ATP9B: variants seen among roughly 807,000 people sequenced by gnomAD.
ATP9B encodes ATPase phospholipid transporting 9B, also known as probable phospholipid-transporting ATPase IIB.
A neutral mutation model predicts 146.1 loss-of-function variants in ATP9B; 110 were observed. The observed-to-expected ratio is 0.75, with a 90% CI of 0.65 to 0.88. The LOEUF (loss-of-function observed/expected upper bound fraction) is 0.88, where lower values mean the gene tolerates loss of function less well. Ranked by LOEUF, ATP9B falls within the 40% of genes least tolerant of loss-of-function variation. The pLI is 0.00. For synonymous variants in ATP9B, 604 were observed against 569.7 expected (o/e 1.06, Z -0.86); for missense variants, 1,499 against 1,496.4 (o/e 1.00, Z -0.03).
intron 20 of ATP9B, among the ~76,000 whole-genome samples, chr18:79,342,610 AAT>A (rs2096865565): frequency 5.9e-5 from 9 of 151,998 alleles, no homozygotes; most frequent in East Asian, 3.9e-4. Context: ...ATAAATAATT[AAT>A]TAATTAAAAA....
chr18:79,301,265 G>A (rs1171462054), intron 13 of ATP9B, among the ~76,000 whole-genome samples: 2 of 152,342 alleles, frequency 1.3e-5, no homozygotes, highest in East Asian at 1.9e-4. Context: ...GCCAGGGCGG[G>A]CAGATCACCT....
intron 12 of ATP9B, among the ~76,000 whole-genome samples, chr18:79,274,364 ACAAT>A (rs1348469072): frequency 1.3e-5 from 2 of 152,224 alleles, no homozygotes; most frequent in Admixed American, 6.5e-5. Context: ...TGCTGTATTA[ACAAT>A]CAAAGTACAT....
intron 1 of ATP9B, among the ~76,000 whole-genome samples, chr18:79,086,828 A>C (rs2073883016): frequency 6.6e-6 from 1 of 152,238 alleles, no homozygotes; most frequent in Non-Finnish European, 1.5e-5. Flanking sequence ...ATCTCAGCTC[A>C]AGGGACTATT....
intron 8 of ATP9B, among the ~76,000 whole-genome samples, chr18:79,190,473 C>T (rs938554112): frequency 2.1e-4 from 31 of 150,360 alleles, no homozygotes; most frequent in African/African-American, 7.1e-4. Context: ...TGTAGTATAT[C>T]TACACATATC....
chr18:79,364,332 A>T (rs564730652), intron 26 of ATP9B: 1 of 152,346 alleles, frequency 6.6e-6, no homozygotes, highest in South Asian at 2.1e-4. Flanking sequence ...ACCTGATTCC[A>T]AGACTTACTG....
intron 9 of ATP9B, among the ~76,000 whole-genome samples, chr18:79,205,232 G>T (rs973146662): frequency 7.7e-6 from 1 of 129,514 alleles, no homozygotes; most frequent in Non-Finnish European, 1.7e-5. Context: ...CATATTAGGG[G>T]AAATATTTTG....
chr18:79,091,595 A>G (rs749862165), intron 1 of ATP9B, among the ~76,000 whole-genome samples: 1 of 152,204 alleles, frequency 6.6e-6, no homozygotes, highest in African/African-American at 2.4e-5. Context: ...TACTGTTGGC[A>G]TATAGAAATG....
intron 1 of ATP9B, among the ~76,000 whole-genome samples, chr18:79,072,659 G>A (rs572633401): frequency 6.6e-6 from 1 of 151,602 alleles, no homozygotes; most frequent in Non-Finnish European, 1.5e-5. Context: ...TCAGTGAGCT[G>A]TTGGGTACCC....
intron 11 of ATP9B, among the ~76,000 whole-genome samples, chr18:79,251,901 A>G (rs1004582054): frequency 2.0e-5 from 3 of 152,230 alleles, no homozygotes; most frequent in African/African-American, 4.8e-5. Flanking sequence ...TTGAGATGGC[A>G]GATAGATAAC....
chr18:79,309,868 T>C (rs2096643051), intron 15 of ATP9B, among the ~76,000 whole-genome samples: 1 of 152,206 alleles, frequency 6.6e-6, no homozygotes, highest in Non-Finnish European at 1.5e-5. Flanking sequence ...GAGTGTAGGT[T>C]CCATGACTAT....
At chr18:79,199,630 G>A (rs912804503) in intron 9 of ATP9B, among the ~76,000 whole-genome samples, 1 of 152,080 alleles carries the variant, frequency 6.6e-6, no homozygotes, top group Non-Finnish European at 1.5e-5. Flanking sequence ...GGGCGTGGTG[G>A]CACATGCCTG....
At chr18:79,185,767 C>T (rs922450364) in intron 8 of ATP9B, among the ~76,000 whole-genome samples, 2 of 152,132 alleles carry the variant, frequency 1.3e-5, no homozygotes, top group African/African-American at 2.4e-5. Flanking sequence ...TCGTGTCTCT[C>T]GTGGTGTAGA....
intron 11 of ATP9B, among the ~76,000 whole-genome samples, chr18:79,233,366 A>G (rs754547490): frequency 1.2e-4 from 19 of 152,340 alleles, no homozygotes; most frequent in Admixed American, 1.3e-4. Flanking sequence ...ATTTGAAGTA[A>G]TAAGTCTGAG....
chr18:79,074,206 G>A (rs1489999428), intron 1 of ATP9B, among the ~76,000 whole-genome samples: 1 of 152,118 alleles, frequency 6.6e-6, no homozygotes, highest in Non-Finnish European at 1.5e-5. Flanking sequence ...AGAGGGAAAG[G>A]TGGATTTTCC....
At chr18:79,166,226 G>C (rs72994277) in intron 7 of ATP9B, among the ~76,000 whole-genome samples, 9,294 of 152,250 alleles carry the variant, frequency 0.061, 365 homozygotes, top group Non-Finnish European at 0.092. Flanking sequence ...CCATTTCAGA[G>C]GGCAGAAACA....
At chr18:79,336,533 GGCACCAGCAATCAGAGT>G (rs1223184608) in intron 17 of ATP9B, 78 bp from the exon 18 acceptor site, 47 of 1,131,788 alleles carry the variant, frequency 4.2e-5, no homozygotes, top group Non-Finnish European at 5.6e-5. Context: ...ATGAGGGCAG[GGCACCAGCAATCAGAGT>G]GTGGCACTGC....
intron 10 of ATP9B, among the ~76,000 whole-genome samples, chr18:79,213,072 C>G (rs575104231): frequency 1.8e-4 from 28 of 152,204 alleles, no homozygotes; most frequent in Admixed American, 9.8e-4. Context: ...TTATGATGCT[C>G]TGCATTTTAC....
intron 7 of ATP9B, among the ~76,000 whole-genome samples, chr18:79,170,985 T>TA (rs2095061794): frequency 6.6e-6 from 1 of 152,222 alleles, no homozygotes. Context: ...CTTTACATGG[T>TA]ATGCTTCAGA....
chr18:79,346,571 C>T lies in ATP9B; in HGVS notation c.2682+732C>T, dbSNP rs920826792. ...CACACACTCGGTCAGCGCACGTCAG[C>T]ACGTGCTCAGCGCACAGTCAGCACA... On this transcript the variant is annotated intron_variant, in intron 23 of 29. Coordinates refer to ENST00000426216, the MANE Select transcript of ATP9B (RefSeq NM_198531.5). 8.8e-5 allele frequency among the ~76,000 whole-genome samples: 10 copies of T among 113,698 alleles called. 1 individual carries two copies. The highest frequency in any genetic ancestry group is 3.0e-4 in the African/African-American group (9 of 29,560). The allele number at this position is 113,698 out of a possible 152,430, so 74.6% of individuals were successfully genotyped here.
Sources: gnomAD v4.1 joint callset for allele counts (sites outside exome capture counted in the v4.1 genomes callset) on GRCh38, gnomAD v4.1.1 for gene constraint, MANE v1.5 for transcripts, NCBI Gene and HGNC (gene_info 2026-07-23, HGNC 2026-07-21) for gene names.